The following TACC2 variants were observed in gnomAD, a reference collection of about 807,000 sequenced individuals.
TACC2 encodes the protein transforming acidic coiled-coil containing protein 2.
A neutral mutation model predicts 227.3 loss-of-function variants in TACC2; 137 were observed. The ratio of observed to expected loss-of-function variants is 0.60; its 90% CI spans 0.52 to 0.69. TACC2 has a LOEUF of 0.69. Ranked by LOEUF, TACC2 falls within the 30% of genes least tolerant of loss-of-function variation. The probability of loss-of-function intolerance (pLI) is 0.00; values close to 1 mark genes in which losing one functional copy is unlikely to be tolerated. For missense variants in TACC2, 3,470 were observed against 3,694.4 expected (o/e 0.94, Z 1.57); for synonymous variants, 1,523 against 1,487.5 (o/e 1.02, Z -0.55).
chr10:122,071,159 T>C (rs2136711986), intron 3 of TACC2, among the ~76,000 whole-genome samples: 1 of 152,336 alleles, frequency 6.6e-6, no homozygotes, highest in East Asian at 1.9e-4. Context: ...GTTTTAAAGA[T>C]CTTTATTGTG....
intron 7 of TACC2, among the ~76,000 whole-genome samples, chr10:122,188,930 G>T (rs1180725749): frequency 1.3e-5 from 2 of 152,194 alleles, no homozygotes; most frequent in Non-Finnish European, 2.9e-5. Flanking sequence ...GAGCTAGCTT[G>T]GTGTTTGTTC....
chr10:122,163,061 T>C (rs1395202198), intron 7 of TACC2, among the ~76,000 whole-genome samples: 2 of 152,010 alleles, frequency 1.3e-5, no homozygotes, highest in East Asian at 1.9e-4. Flanking sequence ...GCAAAGGTCC[T>C]TGGAGGCTAG....
chr10:122,032,692 G>T (rs909756546), intron 2 of TACC2, among the ~76,000 whole-genome samples: 3 of 152,150 alleles, frequency 2.0e-5, no homozygotes, highest in African/African-American at 7.2e-5. Context: ...AGGCACGGTG[G>T]CTCACGCCTG....
intron 11 of TACC2, 27 bp from the exon 12 acceptor site, chr10:122,224,699 T>C: frequency 6.2e-7 from 1 of 1,608,276 alleles, no homozygotes. Flanking sequence ...TGTTTTTTTG[T>C]GTTTGTGTTT....
intron 5 of TACC2, among the ~76,000 whole-genome samples, chr10:122,113,661 A>G (rs767467513): frequency 1.3e-5 from 2 of 152,192 alleles, no homozygotes; most frequent in Non-Finnish European, 1.5e-5. Context: ...GTGTGGTCCT[A>G]CTGGGTCGCG....
chr10:122,174,408 A>T (rs10788257), intron 7 of TACC2, among the ~76,000 whole-genome samples: 1 of 151,862 alleles, frequency 6.6e-6, no homozygotes, highest in Non-Finnish European at 1.5e-5. Flanking sequence ...GTGCCCACTC[A>T]CTCCATGGGC....
At chr10:122,228,306 C>T (rs2095666771) in intron 14 of TACC2, among the ~76,000 whole-genome samples, 1 of 152,176 alleles carries the variant, frequency 6.6e-6, no homozygotes, top group South Asian at 2.1e-4. Context: ...TTAGGGCAGT[C>T]GTTAAGCAGT....
intron 7 of TACC2, among the ~76,000 whole-genome samples, chr10:122,158,014 C>G (rs1444195543): frequency 7.8e-6 from 1 of 128,930 alleles, no homozygotes; most frequent in Non-Finnish European, 1.8e-5. Flanking sequence ...GGCCTTCCTC[C>G]CTCCTTCCCT....
intron 7 of TACC2, among the ~76,000 whole-genome samples, chr10:122,146,511 G>T (rs1306891637): frequency 6.6e-6 from 1 of 151,990 alleles, no homozygotes; most frequent in African/African-American, 2.4e-5. Context: ...GATATCATGG[G>T]AGTGGGACTG....
rs560890276 is a variant in TACC2 at position 122,093,487 on chromosome 10, A to G, written c.5573+4896A>G. On this transcript the variant is annotated intron_variant, in intron 5 of 22. Coordinates refer to ENST00000369005, the MANE Select transcript of TACC2 (RefSeq NM_206862.4). ...TAAATTAAGGAAAAGAGAAAACAACATTGAAGCATGGTTCTCTTAGCAGAT... is the reference window on the plus strand; with the variant it reads ...TAAATTAAGGAAAAGAGAAAACAACGTTGAAGCATGGTTCTCTTAGCAGAT... Among the ~76,000 whole-genome samples, 4 of 152,374 alleles carry G rather than the reference A, an allele frequency of 2.6e-5. No homozygotes were observed. The South Asian group carries it at 8.3e-4, about 32-fold the overall frequency.
chr10:122,006,604 G>A (rs193033546), intron 1 of TACC2, among the ~76,000 whole-genome samples: 1 of 152,150 alleles, frequency 6.6e-6, no homozygotes. Context: ...GGGATTGATT[G>A]TTTTGGGTTA....
chr10:122,001,264 C>A (rs1373708997), intron 1 of TACC2, among the ~76,000 whole-genome samples: 1 of 152,220 alleles, frequency 6.6e-6, no homozygotes, highest in East Asian at 1.9e-4. Flanking sequence ...GTTTAATTGA[C>A]TCACAGTTTC....
At chr10:122,129,350 G>A (rs1184721587) in intron 5 of TACC2, among the ~76,000 whole-genome samples, 3 of 151,972 alleles carry the variant, frequency 2.0e-5, no homozygotes, top group South Asian at 2.1e-4. Flanking sequence ...GAGCTACTGC[G>A]CCCGGCCTAC....
rs2095631823 is a variant in TACC2, at chr10:122,226,497, T to TGA, written c.7724+22_7724+23dup. 6.4e-7 allele frequency: 1 copy of TGA among 1,565,658 alleles called. No individual in the cohort carries two copies. On this transcript the variant is annotated intron_variant, in intron 13 of 22. Coordinates refer to ENST00000369005, the MANE Select transcript of TACC2 (RefSeq NM_206862.4). ...CGTGTTCAGGGTATGACTTCCATGA[T>TGA]GAGAGAGTTACACATCATGCTGGAT...
At chr10:122,035,737 C>G (rs1311867817) in intron 2 of TACC2, among the ~76,000 whole-genome samples, 9 of 152,198 alleles carry the variant, frequency 5.9e-5, no homozygotes, top group Admixed American at 2.0e-4. Context: ...AACTGAAACT[C>G]TCTGCCCACA....
chr10:122,011,242 G>T (rs554149810), intron 1 of TACC2, among the ~76,000 whole-genome samples: 1 of 152,314 alleles, frequency 6.6e-6, no homozygotes, highest in South Asian at 2.1e-4. Flanking sequence ...TAGTGTGGCT[G>T]GGGAAGTGGG....
In TACC2 at chr10:122,195,157, G is replaced by A. The variant is rs758645827; in HGVS notation, c.5952G>A (p.Gln1984=). 6 of 1,485,396 alleles carry A rather than the reference G, an allele frequency of 4.0e-6. No individual in the cohort carries two copies. The highest frequency in any genetic ancestry group is 4.5e-6 in the Non-Finnish European group (5 of 1,101,518). 92.0% of individuals were successfully genotyped at this position (1,485,396 alleles called of 1,614,324 possible). The change falls in exon 8 of 23, where the codon CAG becomes CAA. Residue 1984 remains glutamine, a synonymous_variant. Coordinates refer to ENST00000369005, the MANE Select transcript of TACC2 (RefSeq NM_206862.4). ...EVIPEPEVST[Q]PPPEEPGCGS... Reference sequence around the variant, plus strand: ...TCCCAGAACCCGAGGTCAGCACACAGCCACCCCCGGAAGAACCAGGTAACC... The same window carrying A: ...TCCCAGAACCCGAGGTCAGCACACAACCACCCCCGGAAGAACCAGGTAACC...
chr10:122,136,563 A>T (rs1054636556), intron 6 of TACC2, among the ~76,000 whole-genome samples: 2 of 150,428 alleles, frequency 1.3e-5, no homozygotes, highest in African/African-American at 4.9e-5. Context: ...ATATATATAT[A>T]TATATATTAG....
chr10:122,166,129 A>G (rs2093147472), intron 7 of TACC2, among the ~76,000 whole-genome samples: 1 of 152,190 alleles, frequency 6.6e-6, no homozygotes, highest in Admixed American at 6.5e-5. Context: ...GGTGACAAAC[A>G]CAGGGTGCGC....
Sources: allele counts gnomAD v4.1 joint callset (sites outside exome capture counted in the v4.1 genomes callset), GRCh38; gene constraint gnomAD v4.1.1; transcripts MANE v1.5; gene names NCBI Gene and HGNC (gene_info 2026-07-23, HGNC 2026-07-21).